EVI5L: variants seen among roughly 807,000 people sequenced by gnomAD.
The protein encoded by EVI5L is ecotropic viral integration site 5 like.
EVI5L carries 30 observed loss-of-function variants against 106.1 expected under a neutral mutation model. That is an observed-to-expected ratio of 0.28 (90% CI 0.21 to 0.38). The LOEUF (loss-of-function observed/expected upper bound fraction) is 0.38, where lower values mean the gene tolerates loss of function less well. Ranked by LOEUF, EVI5L falls within the 10% of genes least tolerant of loss-of-function variation. EVI5L has a pLI of 1.00. For synonymous variants in EVI5L, 489 were observed against 483.3 expected (o/e 1.01, Z -0.15); for missense variants, 809 against 1,098.0 (o/e 0.74, Z 3.72).
Position 7,857,228 on chromosome 19 carries a change from G to A in EVI5L, c.1233+104G>A. 1 of 1,475,024 alleles carries A rather than the reference G, an allele frequency of 6.8e-7. No individual in the cohort carries two copies. Among genetic ancestry groups the A allele is most frequent in the South Asian group, 1.2e-5 (1 of 82,442 alleles). The allele number at this position is 1,475,024 out of a possible 1,614,324, so 91.4% of individuals were successfully genotyped here. On this transcript the variant is annotated intron_variant, in intron 12 of 19. Transcript: ENST00000538904. This position sits in a 1 kb window ranked among gnomAD's most constrained non-coding sequence, Gnocchi z 4.5. ...CCTCTTCCCTGCCATTCTGCGGGCA[G>A]GCCTGGCGCCATGCATGGAGCAGCT...
At chr19:7,860,936 C>G (rs1433632145) in intron 14 of EVI5L, among the ~76,000 whole-genome samples, 1 of 152,134 alleles carries the variant, frequency 6.6e-6, no homozygotes, top group East Asian at 1.9e-4. Context: ...GTGTGTTTCC[C>G]CCAGTACTGG....
chr19:7,840,216 C>T lies in EVI5L; in HGVS notation c.-47-6280C>T, dbSNP rs150100879. ...AACCTAGGCCACGGGCAGTGGCTCA[C>T]GCCTGTAATCCCAGCACTTTGAGAG... On this transcript the variant is annotated intron_variant, in intron 1 of 19. Transcript: ENST00000538904. Among the ~76,000 whole-genome samples the T allele has an allele frequency of 4.6e-3, 700 of 152,330 alleles. 1 individual carries two copies. Among genetic ancestry groups the T allele is most frequent in the Admixed American group, 9.6e-3 (147 of 15,300 alleles).
intron 10 of EVI5L, 149 bp from the exon 11 acceptor site, chr19:7,855,866 G>T (rs777246483): frequency 5.4e-6 from 3 of 560,616 alleles, no homozygotes; most frequent in Non-Finnish European, 8.2e-6. Flanking sequence ...TTCTGAAATC[G>T]CTGACCCAGA....
At chr19:7,846,468 G>A (rs1406430626) in intron 1 of EVI5L, 28 bp from the exon 2 acceptor site, 4 of 1,520,748 alleles carry the variant, frequency 2.6e-6, no homozygotes, top group Non-Finnish European at 3.5e-6. Flanking sequence ...CCCACCCAAT[G>A]CCGACCACGC....
At position 7,853,514 on chromosome 19, in the gene EVI5L, C is replaced by A. The variant is rs112491965; in HGVS notation, c.1146+181C>A. On this transcript the variant is annotated intron_variant, in intron 10 of 19. Coordinates refer to ENST00000538904, the MANE Select transcript of EVI5L (RefSeq NM_001159944.3). ...CTTCACCTGTTAGGCCAGCTGTGAG[C>A]GCCTCCCCCGCCTGACGCCGCGGTA... 4.9e-5 allele frequency: 37 copies of A among 757,348 alleles called. No homozygotes were observed. The African/African-American group carries it at 5.8e-4, about 12-fold the overall frequency. 46.9% of individuals were successfully genotyped at this position (757,348 alleles called of 1,614,324 possible). A position where few individuals can be genotyped will look rare whatever the true frequency, so the allele number is the denominator to read the frequency against.
At position 7,857,230 on chromosome 19, in the gene EVI5L, C is replaced by A. The variant is rs1979571446; in HGVS notation, c.1233+106C>A. 4.8e-6 allele frequency: 7 copies of A among 1,454,486 alleles called. No homozygotes were observed. The East Asian group carries it at 1.5e-4, about 31-fold the overall frequency. 90.1% of individuals were successfully genotyped at this position (1,454,486 alleles called of 1,614,324 possible). On this transcript the variant is annotated intron_variant, in intron 12 of 19. Coordinates refer to ENST00000538904, the MANE Select transcript of EVI5L (RefSeq NM_001159944.3). This position sits in a 1 kb window ranked among gnomAD's most constrained non-coding sequence, Gnocchi z 4.5. Reference sequence around the variant, plus strand: ...TCTTCCCTGCCATTCTGCGGGCAGGCCTGGCGCCATGCATGGAGCAGCTGG... The same window carrying A: ...TCTTCCCTGCCATTCTGCGGGCAGGACTGGCGCCATGCATGGAGCAGCTGG...
chr19:7,853,183 G>A lies in EVI5L; in HGVS notation c.1085G>A (p.Arg362Lys). ...QVKYNPKKMKRLEKEYAAMKS... is the reference protein window; with the variant it reads ...QVKYNPKKMKKLEKEYAAMKS... Reference sequence around the variant, plus strand: ...AAGTACAACCCCAAGAAGATGAAGAGGTCGGTGCCTGCTGGGCAACCAGGG... The same window carrying A: ...AAGTACAACCCCAAGAAGATGAAGAAGTCGGTGCCTGCTGGGCAACCAGGG... The change falls in exon 9 of 20, where the codon AGG becomes AAG. Residue 362 changes from arginine to lysine, a missense_variant and splice_region_variant. Arg to Lys is a conservative substitution (Grantham distance 26, BLOSUM62 2). Transcript: ENST00000538904. The A allele has an allele frequency of 6.2e-7, 1 of 1,614,098 alleles. No individual in the cohort carries two copies. The highest frequency in any genetic ancestry group is 1.6e-4 in the Middle Eastern group (1 of 6,062).
In EVI5L at chr19:7,858,645, C is replaced by G. The variant is rs1222857404; in HGVS notation, c.1374+314C>G. On this transcript the variant is annotated intron_variant, in intron 13 of 19. Transcript: ENST00000538904. The surrounding 1 kb of genome is among the most constrained non-coding windows in gnomAD (Gnocchi z 5.7). ...AGGGTTTCCTCTGTGTCACAGGCAG[C>G]AGACAGGGCTGTGACTCCTTACGGA... The G allele has an allele frequency of 2.6e-6, 1 of 391,754 alleles. No individual in the cohort carries two copies. The highest frequency in any genetic ancestry group is 2.1e-5 in the African/African-American group (1 of 48,096). 24.3% of individuals were successfully genotyped at this position (391,754 alleles called of 1,614,324 possible).
In EVI5L at chr19:7,858,173, T is replaced by G; in HGVS notation, c.1234-18T>G. 6.4e-7 allele frequency: 1 copy of G among 1,551,350 alleles called. No individual in the cohort carries two copies. Among genetic ancestry groups the G allele is most frequent in the Non-Finnish European group, 8.7e-7 (1 of 1,147,576 alleles). On this transcript the variant is annotated intron_variant, in intron 12 of 19. Transcript: ENST00000538904. This position sits in a 1 kb window ranked among gnomAD's most constrained non-coding sequence, Gnocchi z 5.7. ...AGGGTCACGGCCTCCCCCTGCCCCC[T>G]GTCCTCGCTGTTCTCAGGGGCAAGT...
intron 1 of EVI5L, among the ~76,000 whole-genome samples, chr19:7,839,531 T>C (rs145452201): frequency 2.4e-4 from 36 of 152,128 alleles, no homozygotes; most frequent in African/African-American, 8.4e-4. Flanking sequence ...AGGCAGGCAA[T>C]GACGTGGCAA....
At chr19:7,844,370 G>A (rs1223437556) in intron 1 of EVI5L, among the ~76,000 whole-genome samples, 1 of 150,174 alleles carries the variant, frequency 6.7e-6, no homozygotes, top group Non-Finnish European at 1.5e-5. Flanking sequence ...AAAAGAAACC[G>A]AGGCTCGGGC....
intron 17 of EVI5L, 70 bp downstream of exon 17, chr19:7,862,604 C>T: frequency 7.8e-7 from 1 of 1,276,708 alleles, no homozygotes; most frequent in South Asian, 2.0e-5. Flanking sequence ...GAGGCCCCGC[C>T]CCCAATCCGC....
At position 7,860,539 on chromosome 19, in the gene EVI5L, C is replaced by T. The variant is rs369896961; in HGVS notation, c.1375-22C>T. 14 of 1,559,586 alleles carry T rather than the reference C, an allele frequency of 9.0e-6. No individual in the cohort carries two copies. The South Asian group carries it at 1.2e-4, about 13-fold the overall frequency. On this transcript the variant is annotated intron_variant, in intron 13 of 19. Coordinates refer to ENST00000538904, the MANE Select transcript of EVI5L (RefSeq NM_001159944.3). ...CCCCCAGCCATGGCCTGGGGCCCCA[C>T]GCAGCTCTCTGCCTCCCCCAGGAGA...
At chr19:7,831,295 A>G (rs1428194292) in intron 1 of EVI5L, among the ~76,000 whole-genome samples, 1 of 150,806 alleles carries the variant, frequency 6.6e-6, no homozygotes, top group Non-Finnish European at 1.5e-5. Flanking sequence ...CCCCCAGCAC[A>G]CACAGAAAAA....
Position 7,857,255 on chromosome 19 carries a change from G to C in EVI5L, c.1233+131G>C. The C allele has an allele frequency of 7.8e-7, 1 of 1,284,908 alleles. No homozygotes were observed. Among genetic ancestry groups the C allele is most frequent in the South Asian group, 1.3e-5 (1 of 77,890 alleles). The allele number at this position is 1,284,908 out of a possible 1,614,324, so 79.6% of individuals were successfully genotyped here. A position where few individuals can be genotyped will look rare whatever the true frequency, so the allele number is the denominator to read the frequency against. On this transcript the variant is annotated intron_variant, in intron 12 of 19. Coordinates refer to ENST00000538904, the MANE Select transcript of EVI5L (RefSeq NM_001159944.3). This position sits in a 1 kb window ranked among gnomAD's most constrained non-coding sequence, Gnocchi z 4.5. ...CCTGGCGCCATGCATGGAGCAGCTG[G>C]GGACCGCTTCTGGGGGACACAGAGG...
chr19:7,852,968 C>G, intron 8 of EVI5L, 118 bp from the exon 9 acceptor site: 1 of 896,258 alleles, frequency 1.1e-6, no homozygotes, highest in Admixed American at 2.0e-5. Context: ...GCGTTGAGGA[C>G]ATGGCGACAC....
Position 7,856,992 on chromosome 19 carries a change from C to T in EVI5L, c.1201-100C>T, listed in dbSNP as rs541064510. On this transcript the variant is annotated intron_variant, in intron 11 of 19. Coordinates refer to ENST00000538904, the MANE Select transcript of EVI5L (RefSeq NM_001159944.3). This position sits in a 1 kb window ranked among gnomAD's most constrained non-coding sequence, Gnocchi z 6.6. ...CCCCGCTTCTAGAGATAGTCCACTG[C>T]GTTAGTGACAAGTGGTTCTTGTCTG... The T allele has an allele frequency of 8.2e-6, 10 of 1,226,928 alleles. No homozygotes were observed. The highest frequency in any genetic ancestry group is 3.0e-5 in the African/African-American group (2 of 66,908). 76.0% of individuals were successfully genotyped at this position (1,226,928 alleles called of 1,614,324 possible).
intron 5 of EVI5L, 124 bp from the exon 6 acceptor site, chr19:7,849,873 G>C (rs1198125842): frequency 4.1e-6 from 3 of 739,936 alleles, no homozygotes; most frequent in Non-Finnish European, 6.7e-6. Context: ...AGTGTGTCAT[G>C]AGAGTCTAGG....
Position 7,853,103 on chromosome 19 carries a change from C to T in EVI5L, c.1005C>T (p.Ile335=), listed in dbSNP as rs767018098. The change falls in exon 9 of 20, where the codon ATC becomes ATT. Residue 335 remains isoleucine (I), a synonymous_variant. Transcript: ENST00000538904. ...EGMSQYFQRV[I]PHQFDSCPDK... ...CCCCACAGTACTTCCAGAGAGTGAT[C>T]CCCCACCAGTTCGACAGCTGCCCGG... The T allele has an allele frequency of 3.1e-6, 5 of 1,613,866 alleles. No individual in the cohort carries two copies. In the South Asian group the frequency reaches 4.4e-5, roughly 14 times the overall value.
Sources: gnomAD v4.1 joint callset for allele counts (sites outside exome capture counted in the v4.1 genomes callset) on GRCh38, gnomAD v4.1.1 for gene constraint, Gnocchi (gnomAD v3.1) non-coding constraint, MANE v1.5 for transcripts, NCBI Gene and HGNC (gene_info 2026-07-23, HGNC 2026-07-21) for gene names.